The following TBP variants were observed in gnomAD, a reference collection of about 807,000 sequenced individuals.
The protein encoded by TBP is TATA-box binding protein.
Under a neutral mutation model 46.2 loss-of-function variants are expected in TBP, and 12 were observed. The ratio of observed to expected loss-of-function variants is 0.26; its 90% confidence interval spans 0.17 to 0.42. TBP has a LOEUF of 0.42. Ranked by LOEUF, TBP falls within the 10% of genes least tolerant of loss-of-function variation. The probability of loss-of-function intolerance (pLI) is 1.00; values close to 1 mark genes in which losing one functional copy is unlikely to be tolerated. For missense variants in TBP, 229 were observed against 403.1 expected (o/e 0.57, Z 3.70); for synonymous variants, 157 against 148.3 (o/e 1.06, Z -0.42).
intron 6 of TBP, 25 bp from the exon 7 acceptor site, chr6:170,571,384 TA>T: frequency 6.4e-7 from 1 of 1,561,502 alleles, no homozygotes; most frequent in Non-Finnish European, 8.8e-7. Context: ...TCTTGATTTC[TA>T]AACTTTTTGC....
At chr6:170,560,286 G>A (rs1033802418) in intron 2 of TBP, among the ~76,000 whole-genome samples, 1 of 152,150 alleles carries the variant, frequency 6.6e-6, no homozygotes, top group African/African-American at 2.4e-5. Context: ...ATCACTCAAA[G>A]CTAGGAGCTC....
intron 3 of TBP, among the ~76,000 whole-genome samples, chr6:170,563,707 A>C (rs1779191317): frequency 6.6e-6 from 1 of 152,234 alleles, no homozygotes; most frequent in South Asian, 2.1e-4. Flanking sequence ...TATGTATTTG[A>C]AATCTGGACT....
At chr6:170,566,888 C>T (rs1465940212) in intron 4 of TBP, 30 bp from the exon 5 acceptor site, 2 of 1,603,540 alleles carry the variant, frequency 1.2e-6, no homozygotes, top group Non-Finnish European at 8.5e-7. Flanking sequence ...TTGGCATGAC[C>T]TCACTAATGA....
chr6:170,555,978 A>G (rs1261445560), intron 1 of TBP, among the ~76,000 whole-genome samples: 1 of 152,172 alleles, frequency 6.6e-6, no homozygotes, highest in African/African-American at 2.4e-5. Context: ...TCTCTGATAT[A>G]TTTATTTCCA....
chr6:170,572,352 T>G lies in TBP; in HGVS notation c.*87T>G, dbSNP rs1779380489. Reference sequence around the variant, plus strand: ...TTGTTTTGGTACCTTTAAATGGTGGTGTTGTGAGAAGATGGATGTTGAGTT... The same window carrying G: ...TTGTTTTGGTACCTTTAAATGGTGGGGTTGTGAGAAGATGGATGTTGAGTT... On this transcript the variant is annotated 3_prime_UTR_variant, in exon 8 of 8. Transcript: ENST00000392092. 1 of 1,107,782 alleles carries G rather than the reference T, an allele frequency of 9.0e-7. No homozygotes were observed. The highest frequency in any genetic ancestry group is 1.6e-5 in the African/African-American group (1 of 62,140). The allele number at this position is 1,107,782 out of a possible 1,614,324, so 68.6% of individuals were successfully genotyped here.
At chr6:170,563,574 G>C (rs1218832504) in intron 3 of TBP, among the ~76,000 whole-genome samples, 1 of 152,212 alleles carries the variant, frequency 6.6e-6, no homozygotes, top group East Asian at 1.9e-4. Flanking sequence ...GGAAATAGAT[G>C]ATATGGAAAT....
intron 2 of TBP, among the ~76,000 whole-genome samples, chr6:170,560,856 C>T (rs1779126651): frequency 6.6e-6 from 1 of 152,208 alleles, no homozygotes; most frequent in East Asian, 1.9e-4. Flanking sequence ...ATAGAATTGA[C>T]TCCTGGTGAA....
chr6:170,561,708 C>G, intron 2 of TBP, 83 bp from the exon 3 acceptor site: 1 of 1,552,262 alleles, frequency 6.4e-7, no homozygotes, highest in Non-Finnish European at 8.7e-7. Context: ...TCTTTGCACA[C>G]CTGACCTGCT....
intron 6 of TBP, among the ~76,000 whole-genome samples, chr6:170,571,178 G>T (rs1779359846): frequency 6.6e-6 from 1 of 152,164 alleles, no homozygotes; most frequent in African/African-American, 2.4e-5. Context: ...TAGAAATAGG[G>T]TAAAGTGATA....
At chr6:170,568,535 A>G (rs963013233) in intron 5 of TBP, among the ~76,000 whole-genome samples, 3 of 151,936 alleles carry the variant, frequency 2.0e-5, no homozygotes, top group Admixed American at 1.3e-4. Flanking sequence ...GCTCACTGCA[A>G]GCTCCGCCTC....
At chr6:170,571,579 A>C in intron 7 of TBP, 75 bp downstream of exon 7, 1 of 1,184,830 alleles carries the variant, frequency 8.4e-7, no homozygotes, top group Non-Finnish European at 1.2e-6. Flanking sequence ...TGCTGAAAAG[A>C]AATTTCAGTG....
intron 4 of TBP, among the ~76,000 whole-genome samples, chr6:170,565,947 A>G (rs1463480652): frequency 6.6e-6 from 1 of 152,040 alleles, no homozygotes; most frequent in Non-Finnish European, 1.5e-5. Context: ...GGTGGCACAC[A>G]CCTATAATCC....
chr6:170,554,901 G>A (rs1778986583), intron 1 of TBP, among the ~76,000 whole-genome samples: 5 of 152,184 alleles, frequency 3.3e-5, no homozygotes, highest in Admixed American at 1.3e-4. Context: ...CAGCGGGCAC[G>A]GTAGCGCTTA....
intron 4 of TBP, 68 bp from the exon 5 acceptor site, chr6:170,566,850 G>T (rs762785724): frequency 2.2e-6 from 3 of 1,388,490 alleles, no homozygotes; most frequent in Non-Finnish European, 3.0e-6. Flanking sequence ...TTTGTCAATG[G>T]GTGGTTCGCC....
rs748266569 is a variant in TBP at position 170,561,982 on chromosome 6, G to C, written c.246G>C (p.Gln82His). Residue 82 changes from glutamine to histidine, a missense_variant, in exon 3 of 8, where the codon CAG becomes CAC. By Grantham distance (24) the Gln-to-His change is conservative. Coordinates refer to ENST00000392092, the MANE Select transcript of TBP (RefSeq NM_003194.5). ...QQQQQQQQQQ[Q>H]QQQQQQQQQQ... is the part of the protein sequence containing the mutation. ...AACAGCAGCAGCAGCAGCAGCAGCA[G>C]CAGCAGCAGCAGCAGCAGCAGCAGC... is the stretch of plus-strand genomic sequence containing the variant. The C allele has an allele frequency of 1.2e-5, 19 of 1,549,806 alleles. No individual in the cohort carries two copies. The African/African-American group carries it at 2.6e-4, about 21-fold the overall frequency.
At chr6:170,564,702 A>G (rs1583130128) in intron 4 of TBP, 70 bp downstream of exon 4, 2 of 1,085,406 alleles carry the variant, frequency 1.8e-6, no homozygotes, top group Non-Finnish European at 2.6e-6. Flanking sequence ...CTATATTTTA[A>G]TGTATTTCAC....
chr6:170,557,981 A>C (rs1363560686), intron 2 of TBP, among the ~76,000 whole-genome samples: 1 of 152,048 alleles, frequency 6.6e-6, no homozygotes, highest in East Asian at 1.9e-4. Context: ...ATGGAATCAG[A>C]GTGTATGCTT....
chr6:170,571,621 G>C (rs2115003892), intron 7 of TBP, 117 bp downstream of exon 7: 1 of 754,726 alleles, frequency 1.3e-6, no homozygotes, highest in Non-Finnish European at 2.2e-6. Context: ...TTGTACAAAG[G>C]CCTCCCACCC....
intron 1 of TBP, 161 bp downstream of exon 1, chr6:170,554,624 A>G (rs1046808406): frequency 1.8e-4 from 27 of 152,400 alleles, no homozygotes; most frequent in African/African-American, 5.6e-4. Flanking sequence ...TGTAACGGCC[A>G]CTCGGCCGCC....
Sources: allele counts gnomAD v4.1 joint callset (sites outside exome capture counted in the v4.1 genomes callset), GRCh38; gene constraint gnomAD v4.1.1; transcripts MANE v1.5; gene names NCBI Gene and HGNC (gene_info 2026-07-23, HGNC 2026-07-21).